GPS1: variants seen among roughly 807,000 people sequenced by gnomAD.
GPS1 encodes G protein pathway suppressor 1.
A neutral mutation model predicts 60.0 loss-of-function variants in GPS1; 11 were observed. The observed-to-expected ratio is 0.18, with a 90% CI of 0.12 to 0.30. The LOEUF (loss-of-function observed/expected upper bound fraction) is 0.30, where lower values mean the gene tolerates loss of function less well. Ranked by LOEUF, GPS1 falls within the 10% of genes least tolerant of loss-of-function variation. The pLI is 1.00. For synonymous variants in GPS1, 343 were observed against 269.8 expected, an observed-to-expected ratio of 1.27 and a Z score of -2.66; for missense variants, 543 against 669.2, an observed-to-expected ratio of 0.81 and a Z score of 2.08.
At position 82,056,481 on chromosome 17, in the gene GPS1, C is replaced by T. The variant is rs750072159; in HGVS notation, c.1047C>T (p.Leu349=). ...KMLDEMKDNL[L]LDMYLAPHVR... ...AGCCCCTTCCCCAGGACAACCTGCT[C>T]CTGGACATGTATCTGGCCCCCCATG... Residue 349 remains leucine, a synonymous_variant, in exon 10 of 13, where the codon CTC becomes CTT. Transcript: ENST00000578552. 3.7e-6 allele frequency: 6 copies of T among 1,613,190 alleles called. No homozygotes were observed. Among genetic ancestry groups the T allele is most frequent in the Non-Finnish European group, 5.1e-6 (6 of 1,179,996 alleles).
At chr17:82,051,151 G>T, upstream of GPS1, 1 of 1,311,626 alleles carries the variant, frequency 7.6e-7, no homozygotes, top group South Asian at 2.5e-5. This position sits in a 1 kb window ranked among gnomAD's most constrained non-coding sequence, Gnocchi z 4.1. Context: ...CAGGCCGCGT[G>T]ACCTGGGCAG....
chr17:82,054,397 T>C, intron 3 of GPS1, 113 bp from the exon 4 acceptor site: 1 of 1,338,204 alleles, frequency 7.5e-7, no homozygotes, highest in Non-Finnish European at 9.9e-7. Flanking sequence ...CAGCGGGAGG[T>C]GCCCACCTGT....
chr17:82,055,462 C>T, intron 6 of GPS1: 1 of 615,328 alleles, frequency 1.6e-6, no homozygotes, highest in South Asian at 1.9e-5. Flanking sequence ...GTCTGCCAGC[C>T]CGAGCTGCTC....
intron 1 of GPS1, chr17:82,052,305 G>C (rs778945347): frequency 6.2e-7 from 1 of 1,612,934 alleles, no homozygotes; most frequent in Non-Finnish European, 8.5e-7. Context: ...AGTCAGGACA[G>C]AATGAGGGAT....
intron 6 of GPS1, chr17:82,055,475 A>T: frequency 1.6e-6 from 1 of 610,958 alleles, no homozygotes; most frequent in Non-Finnish European, 2.9e-6. Context: ...AGCTGCTCTG[A>T]ACTGGGGTGT....
At chr17:82,056,146 G>A in intron 8 of GPS1, 51 bp downstream of exon 8, 1 of 1,487,626 alleles carries the variant, frequency 6.7e-7, no homozygotes, top group Non-Finnish European at 9.3e-7. Context: ...CCCTCTCCGT[G>A]GCTGCTGCTT....
At position 82,054,061 on chromosome 17, in the gene GPS1, G is replaced by T. The variant is rs537792906; in HGVS notation, c.308+12G>T. On this transcript the variant is annotated intron_variant, in intron 3 of 12. Coordinates refer to ENST00000578552, the MANE Select transcript of GPS1 (RefSeq NM_001321092.3). ...TCAGAGGCCACCAGGTGAGGCCAGGGGCTTGGCGAGAGGAAGCAGAGGCCA... is the reference window on the plus strand; with the variant it reads ...TCAGAGGCCACCAGGTGAGGCCAGGTGCTTGGCGAGAGGAAGCAGAGGCCA... The T allele has an allele frequency of 1.1e-5, 17 of 1,599,634 alleles. No individual in the cohort carries two copies. The highest frequency in any genetic ancestry group is 1.5e-5 in the Non-Finnish European group (17 of 1,171,564).
At position 82,053,306 on chromosome 17, in the gene GPS1, C is replaced by G; in HGVS notation, c.66C>G (p.Asp22Glu). Residue 22 changes from aspartate to glutamate, a missense_variant, in exon 2 of 13, where the codon GAC becomes GAG. Physicochemically the swap from Asp to Glu is conservative, Grantham distance 45 (BLOSUM62 2). This residue lies in a region of GPS1 where 181 missense variants were observed against 188.8 expected (regional missense o/e 0.96). Coordinates refer to ENST00000578552, the MANE Select transcript of GPS1 (RefSeq NM_001321092.3). ...GAVEPMQIDV[D>E]PQEDPQNAPD... The stretch of plus-strand genomic sequence containing the variant: ...TGGAGCCCATGCAGATCGACGTGGA[C>G]CCCCAGGAAGACCCGCAGAATGCAC... The G allele has an allele frequency of 1.3e-6, 2 of 1,548,932 alleles. No homozygotes were observed. The highest frequency in any genetic ancestry group is 2.5e-5 in the East Asian group (1 of 39,778).
chr17:82,056,194 T>C, intron 8 of GPS1, 92 bp from the exon 9 acceptor site: 1 of 1,369,652 alleles, frequency 7.3e-7, no homozygotes, highest in Non-Finnish European at 1.0e-6. Flanking sequence ...CCCAGCGTTT[T>C]CTCAGGTGTT....
intron 3 of GPS1, 199 bp from the exon 4 acceptor site, chr17:82,054,311 C>A (rs561569810): frequency 1.3e-5 from 11 of 824,854 alleles, no homozygotes; most frequent in Non-Finnish European, 1.8e-5. Flanking sequence ...TTTCCCCACC[C>A]GGCTGTAGGC....
At chr17:82,052,614 C>A in intron 1 of GPS1, 1 of 871,286 alleles carries the variant, frequency 1.1e-6, no homozygotes, top group Non-Finnish European at 1.7e-6. Flanking sequence ...CCGGGGCCTG[C>A]GGAGGGAGCC....
At chr17:82,052,132 G>T in intron 1 of GPS1, 168 bp downstream of exon 1, 1 of 942,644 alleles carries the variant, frequency 1.1e-6, no homozygotes, top group South Asian at 2.4e-5. Flanking sequence ...CCGAGGGCGC[G>T]TCTCCGCCGT....
Position 82,053,917 on chromosome 17 carries a change from G to A in GPS1, c.176G>A (p.Arg59Gln), listed in dbSNP as rs1223622618. ...ASYSGLMRIE[R>Q]LQFIADHCPT... ...TACAGCGGCCTGATGCGCATCGAAC[G>A]GCTGCAGTTCATTGCTGATCACTGC... Residue 59 changes from arginine to glutamine, a missense_variant, in exon 3 of 13, where the codon CGG (arginine) becomes CAG (glutamine). Arg to Gln is a conservative substitution (Grantham distance 43). Around this residue, in one of 3 missense-constraint regions of GPS1, gnomAD observed 181 missense variants for 188.8 expected, o/e 0.96. Coordinates refer to ENST00000578552, the MANE Select transcript of GPS1 (RefSeq NM_001321092.3). 4.3e-6 allele frequency: 7 copies of A among 1,612,696 alleles called. No individual in the cohort carries two copies. Among genetic ancestry groups the A allele is most frequent in the Admixed American group, 1.7e-5 (1 of 59,994 alleles).
chr17:82,057,014 G>A (rs759327834), intron 12 of GPS1, 39 bp from the exon 13 acceptor site: 25 of 1,611,294 alleles, frequency 1.6e-5, no homozygotes, highest in Non-Finnish European at 1.4e-5. Flanking sequence ...CGGCGTGTGG[G>A]GCCTGGTGGC....
rs374629387 is a variant in GPS1 at position 82,057,036 on chromosome 17, C to T, written c.1390-17C>T. ...TGGGGCCTGGTGGCTGTGAGCTGCT[C>T]CTTGTCTCCCCTGCAGTCCCCGCCC... On this transcript the variant is annotated splice_polypyrimidine_tract_variant and intron_variant, in intron 12 of 12. Transcript: ENST00000578552. 8 of 1,606,788 alleles carry T rather than the reference C, an allele frequency of 5.0e-6. No homozygotes were observed. The African/African-American group carries it at 1.1e-4, about 21-fold the overall frequency.
In GPS1 at chr17:82,057,257, T is replaced by C; in HGVS notation, c.*130T>C. On this transcript the variant is annotated 3_prime_UTR_variant, in exon 13 of 13. Transcript: ENST00000578552. Reference sequence around the variant, plus strand: ...GCCACTGGGTGCCACCCAGCCTGTGTGCCCTCCCTGGGGCTGAGGAGGCAG... The same window carrying C: ...GCCACTGGGTGCCACCCAGCCTGTGCGCCCTCCCTGGGGCTGAGGAGGCAG... 1.6e-6 allele frequency: 2 copies of C among 1,215,762 alleles called. No individual in the cohort carries two copies. Among genetic ancestry groups the C allele is most frequent in the Non-Finnish European group, 2.4e-6 (2 of 837,020 alleles). The allele number at this position is 1,215,762 out of a possible 1,614,324, so 75.3% of individuals were successfully genotyped here.
intron 7 of GPS1, 23 bp downstream of exon 7, chr17:82,055,848 G>A (rs1451455547): frequency 1.9e-5 from 29 of 1,549,022 alleles, no homozygotes; most frequent in Non-Finnish European, 2.5e-5. Context: ...CTGGGGACTT[G>A]GGAGGCAGAG....
In GPS1 at chr17:82,053,904, A is replaced by G. The variant is rs1304392209; in HGVS notation, c.163A>G (p.Met55Val). ...GTACGCGGCCAGCTACAGCGGCCTG[A>G]TGCGCATCGAACGGCTGCAGTTCAT... is the stretch of plus-strand genomic sequence containing the variant. Reference protein sequence around the residue: ...EQYAASYSGLMRIERLQFIAD... With the variant: ...EQYAASYSGLVRIERLQFIAD... The change falls in exon 3 of 13, where the codon ATG becomes GTG. Residue 55 changes from methionine (M) to valine (V), a missense_variant. Around this residue, in one of 3 missense-constraint regions of GPS1, gnomAD observed 181 missense variants for 188.8 expected, o/e 0.96. Coordinates refer to ENST00000578552, the MANE Select transcript of GPS1 (RefSeq NM_001321092.3). 1.2e-6 allele frequency: 2 copies of G among 1,612,552 alleles called. No homozygotes were observed. The highest frequency in any genetic ancestry group is 1.7e-6 in the Non-Finnish European group (2 of 1,179,888).
chr17:82,053,887 C>T lies in GPS1; in HGVS notation c.146C>T (p.Ala49Val), dbSNP rs138637070. ...NPSLDLEQYA[A>V]SYSGLMRIER... ...TCCCAGGATCTGGAACAGTACGCGG[C>T]CAGCTACAGCGGCCTGATGCGCATC... Residue 49 changes from alanine to valine, a missense_variant, in exon 3 of 13, where the codon GCC (alanine) becomes GTC (valine). Around this residue, in one of 3 missense-constraint regions of GPS1, gnomAD observed 181 missense variants for 188.8 expected, o/e 0.96. Coordinates refer to ENST00000578552, the MANE Select transcript of GPS1 (RefSeq NM_001321092.3). 7.4e-6 allele frequency: 12 copies of T among 1,611,122 alleles called. No individual in the cohort carries two copies. In the African/African-American group the frequency reaches 9.3e-5, roughly 13 times the overall value.
Sources: gnomAD v4.1 joint callset for allele counts on GRCh38, gnomAD v4.1.1 for gene constraint, gnomAD v4.1.1 regional missense constraint, Gnocchi (gnomAD v3.1) non-coding constraint, MANE v1.5 for transcripts, NCBI Gene and HGNC (gene_info 2026-07-23, HGNC 2026-07-21) for gene names.